SYNPO2: variants seen among roughly 807,000 people sequenced by gnomAD.
The protein encoded by SYNPO2 is synaptopodin-2.
In SYNPO2, 56 loss-of-function variants were observed where a neutral mutation model predicts 85.0. The observed-to-expected ratio is 0.66, with a 90% CI of 0.53 to 0.82. SYNPO2 has a LOEUF of 0.82. SYNPO2 is among the 40% of genes least tolerant of loss of function. The pLI is 0.00. For synonymous variants in SYNPO2, 602 were observed against 591.1 expected, an observed-to-expected ratio of 1.02 and a Z score of -0.27; for missense variants, 1,575 against 1,534.2, an observed-to-expected ratio of 1.03 and a Z score of -0.44.
At chr4:118,889,490 C>T (rs1008292717) in intron 1 of SYNPO2, among the ~76,000 whole-genome samples, 1 of 152,158 alleles carries the variant, frequency 6.6e-6, no homozygotes, top group Non-Finnish European at 1.5e-5. Flanking sequence ...TGTTTGATGT[C>T]ACTTCACTTG....
At chr4:118,882,874 A>G (rs1732131873) in intron 1 of SYNPO2, among the ~76,000 whole-genome samples, 1 of 151,166 alleles carries the variant, frequency 6.6e-6, no homozygotes, top group African/African-American at 2.4e-5. Flanking sequence ...GGTTCATGCC[A>G]TTCTCCTGCC....
intron 1 of SYNPO2, among the ~76,000 whole-genome samples, chr4:118,880,865 G>C (rs1312537007): frequency 1.3e-5 from 2 of 151,820 alleles, no homozygotes; most frequent in East Asian, 3.9e-4. Context: ...AGGTAATTCA[G>C]TATTACTTAA....
At chr4:118,974,656 T>C (rs1215903168) in intron 1 of SYNPO2, among the ~76,000 whole-genome samples, 5 of 152,246 alleles carry the variant, frequency 3.3e-5, no homozygotes, top group Admixed American at 6.5e-5. Flanking sequence ...AAAAGAGAGC[T>C]GGGATTTTAG....
intron 1 of SYNPO2, among the ~76,000 whole-genome samples, chr4:118,862,171 G>A (rs1179480613): frequency 6.6e-6 from 1 of 151,982 alleles, no homozygotes; most frequent in African/African-American, 2.4e-5. Flanking sequence ...ACTGATATTT[G>A]TATGTTGATT....
At chr4:118,974,221 T>C (rs1455911428) in intron 1 of SYNPO2, among the ~76,000 whole-genome samples, 1 of 152,236 alleles carries the variant, frequency 6.6e-6, no homozygotes, top group East Asian at 1.9e-4. Context: ...CTGTAGCATT[T>C]CTCAGTGGGA....
intron 1 of SYNPO2, among the ~76,000 whole-genome samples, chr4:119,007,454 T>G (rs1737125810): frequency 6.6e-6 from 1 of 151,306 alleles, no homozygotes; most frequent in African/African-American, 2.4e-5. Context: ...AGTTTGACTT[T>G]AAAATTATTG....
At chr4:118,918,266 A>T (rs1291996413) in intron 1 of SYNPO2, among the ~76,000 whole-genome samples, 1 of 152,172 alleles carries the variant, frequency 6.6e-6, no homozygotes, top group Non-Finnish European at 1.5e-5. Flanking sequence ...AAGTTATTTT[A>T]TCATTTCACA....
At chr4:119,004,894 TCCTGAC>T (rs1295763128) in intron 1 of SYNPO2, among the ~76,000 whole-genome samples, 32 of 152,020 alleles carry the variant, frequency 2.1e-4, no homozygotes, top group Middle Eastern at 6.8e-3. Context: ...ACCTGTTGTT[TCCTGAC>T]TTTTTAATGA....
chr4:119,053,348 AT>A (rs1739109024), intron 4 of SYNPO2, among the ~76,000 whole-genome samples: 1 of 152,264 alleles, frequency 6.6e-6, no homozygotes. Context: ...ATTTATTTAT[AT>A]CCCAGTTGGA....
chr4:118,990,519 A>G (rs576222431), intron 1 of SYNPO2, among the ~76,000 whole-genome samples: 59 of 152,298 alleles, frequency 3.9e-4, no homozygotes, highest in African/African-American at 1.3e-3. Context: ...GTTCTCATGG[A>G]TCTTACCTTC....
chr4:118,995,711 T>C (rs906584792), intron 1 of SYNPO2, among the ~76,000 whole-genome samples: 1 of 152,160 alleles, frequency 6.6e-6, no homozygotes, highest in Non-Finnish European at 1.5e-5. Flanking sequence ...CAATAACTTA[T>C]GAGACCTGGG....
chr4:119,060,208 G>A lies in SYNPO2; in HGVS notation c.*2274G>A, dbSNP rs1056400617. The A allele has an allele frequency of 2.6e-5, 4 of 152,112 alleles. No individual in the cohort carries two copies. Among genetic ancestry groups the A allele is most frequent in the African/African-American group, 9.7e-5 (4 of 41,426 alleles). The allele number at this position is 152,112 out of a possible 1,614,324, so 9.4% of individuals were successfully genotyped here. On this transcript the variant is annotated 3_prime_UTR_variant, in exon 5 of 5. Coordinates refer to ENST00000307142, the MANE Select transcript of SYNPO2 (RefSeq NM_133477.3). ...GAGGAGACTTTAAACTTACATGTTA[G>A]CATAAAACAGACTTCTCTCTCATTG...
intron 1 of SYNPO2, among the ~76,000 whole-genome samples, chr4:118,877,916 C>T (rs772790902): frequency 2.3e-4 from 35 of 152,116 alleles, no homozygotes; most frequent in Non-Finnish European, 4.0e-4. Context: ...TGTGAATGTT[C>T]GTTGCAGCAC....
intron 1 of SYNPO2, among the ~76,000 whole-genome samples, chr4:118,857,032 AT>A (rs1399534791): frequency 6.6e-6 from 1 of 152,090 alleles, no homozygotes; most frequent in Non-Finnish European, 1.5e-5. Context: ...AGACTTTTAT[AT>A]TTATAATTTA....
chr4:118,951,118 G>A (rs1414676615), intron 1 of SYNPO2, among the ~76,000 whole-genome samples: 1 of 152,196 alleles, frequency 6.6e-6, no homozygotes, highest in Non-Finnish European at 1.5e-5. Flanking sequence ...GGTCTATACA[G>A]ACAGTGTGTA....
Position 119,027,267 on chromosome 4 carries a change from A to C in SYNPO2, c.898A>C (p.Arg300=). The C allele has an allele frequency of 6.2e-7, 1 of 1,614,168 alleles. No homozygotes were observed. Among genetic ancestry groups the C allele is most frequent in the Non-Finnish European group, 8.5e-7 (1 of 1,180,032 alleles). Residue 300 remains arginine, a synonymous_variant, in exon 3 of 5, where the codon AGG becomes CGG. Coordinates refer to ENST00000307142, the MANE Select transcript of SYNPO2 (RefSeq NM_133477.3). The part of the protein sequence containing the change: ...CSDRQKTEGC[R]LQAGKECVDS... ...TGACAGGCAGAAGACAGAAGGGTGCAGGCTTCAGGCAGGAAAGGAGTGTGT... is the reference window on the plus strand; with the variant it reads ...TGACAGGCAGAAGACAGAAGGGTGCCGGCTTCAGGCAGGAAAGGAGTGTGT...
At chr4:118,863,538 T>C (rs1731649292) in intron 1 of SYNPO2, among the ~76,000 whole-genome samples, 2 of 152,162 alleles carry the variant, frequency 1.3e-5, no homozygotes, top group Admixed American at 6.5e-5. Context: ...TTTATTTGGG[T>C]CTTCTCTCTT....
At chr4:118,998,390 G>A (rs753211776) in intron 1 of SYNPO2, among the ~76,000 whole-genome samples, 4 of 152,096 alleles carry the variant, frequency 2.6e-5, no homozygotes, top group Non-Finnish European at 5.9e-5. Context: ...ATGTAATATC[G>A]TGTGTATTTT....
intron 1 of SYNPO2, among the ~76,000 whole-genome samples, chr4:118,900,685 CTCTCTCTCTCTCTCTCTCTATA>C (rs1393328117): frequency 4.6e-4 from 20 of 43,748 alleles, no homozygotes; most frequent in African/African-American, 1.2e-3. Context: ...CTCTCTCTCT[CTCTCTCTCTCTCTCTCTCTATA>C]TATATATATA....
Sources: gnomAD v4.1 joint callset for allele counts (sites outside exome capture counted in the v4.1 genomes callset) on GRCh38, gnomAD v4.1.1 for gene constraint, MANE v1.5 for transcripts, NCBI Gene and HGNC (gene_info 2026-07-23, HGNC 2026-07-21) for gene names.